The following MAP7D1 variants were observed in gnomAD, a reference collection of about 807,000 sequenced individuals.
MAP7D1 encodes the protein MAP7 domain containing 1.
Under a neutral mutation model 97.5 loss-of-function variants are expected in MAP7D1, and 30 were observed. That is an observed-to-expected ratio of 0.31 (90% CI 0.23 to 0.42). The LOEUF (loss-of-function observed/expected upper bound fraction) is 0.42. Among genes scored for constraint, MAP7D1 ranks in the 10% least tolerant of loss-of-function variants. MAP7D1 has a pLI of 1.00. For missense variants in MAP7D1, 1,184 were observed against 1,179.5 expected, an observed-to-expected ratio of 1.00 and a Z score of -0.06; for synonymous variants, 536 against 477.1, an observed-to-expected ratio of 1.12 and a Z score of -1.61.
Position 36,172,490 on chromosome 1 carries a change from AAGG to A in MAP7D1, c.493_495del (p.Glu165del). The A allele has an allele frequency of 3.1e-6, 5 of 1,592,486 alleles. No homozygotes were observed. The highest frequency in any genetic ancestry group is 2.3e-5 in the East Asian group (1 of 44,312). ...GGCCAAGAAGGCAGTGTGGCTGGAG[AAGG>A]AGGAGAAGGCCAAGGCGCTGCGGGA... On this transcript the variant is annotated inframe_deletion, in exon 4 of 17. Transcript: ENST00000474796.
At position 36,176,766 on chromosome 1, in the gene MAP7D1, C is replaced by T. The variant is rs202103117; in HGVS notation, c.1303C>T (p.Arg435Cys). The change falls in exon 8 of 17, where the codon CGC (arginine) becomes TGC (cysteine). Residue 435 changes from arginine to cysteine, a missense_variant. Coordinates refer to ENST00000474796, the MANE Select transcript of MAP7D1 (RefSeq NM_001388490.1). This position sits in a 1 kb window ranked among gnomAD's most constrained non-coding sequence, Gnocchi z 6.1. ...GGAGAAGAGTGCCCTAGCCCGGGAG[C>T]GCAGCCTCAAGAAGCGCCAGTCGCT... ...EKEKSALARE[R>C]SLKKRQSLPA... The T allele has an allele frequency of 1.3e-4, 216 of 1,603,098 alleles. No homozygotes were observed. Among genetic ancestry groups the T allele is most frequent in the East Asian group, 8.6e-4 (38 of 44,348 alleles).
At chr1:36,156,977 C>T (rs961371641) in intron 1 of MAP7D1, among the ~76,000 whole-genome samples, 1 of 152,228 alleles carries the variant, frequency 6.6e-6, no homozygotes, top group African/African-American at 2.4e-5. Context: ...CCACCCCATC[C>T]GTCCAGCTGC....
chr1:36,173,496 G>A lies in MAP7D1; in HGVS notation c.739+18G>A. On this transcript the variant is annotated intron_variant, in intron 5 of 16. Transcript: ENST00000474796. ...TAAGACCAGTGAGTAGGCTGGAGGG[G>A]CTGGGGAGTGGGTGGGCAAGGCTGG... The A allele has an allele frequency of 6.4e-7, 1 of 1,567,920 alleles. No individual in the cohort carries two copies. The highest frequency in any genetic ancestry group is 8.7e-7 in the Non-Finnish European group (1 of 1,151,764).
chr1:36,158,100 G>A (rs1644361785), intron 1 of MAP7D1, among the ~76,000 whole-genome samples: 1 of 151,280 alleles, frequency 6.6e-6, no homozygotes. Flanking sequence ...TGCCTAGACT[G>A]AATATGAGAG....
chr1:36,180,177 C>G, intron 16 of MAP7D1, 71 bp from the exon 17 acceptor site: 1 of 1,612,094 alleles, frequency 6.2e-7, no homozygotes, highest in African/African-American at 1.3e-5. Context: ...CCTGCTCCAC[C>G]CTGAAGACCC....
At chr1:36,175,217 G>A (rs1644602108) in intron 6 of MAP7D1, among the ~76,000 whole-genome samples, 1 of 152,212 alleles carries the variant, frequency 6.6e-6, no homozygotes, top group South Asian at 2.1e-4. Flanking sequence ...TGTAGGAGAG[G>A]AGAACAGAGA....
chr1:36,174,423 C>T (rs888141543), intron 5 of MAP7D1, among the ~76,000 whole-genome samples: 1 of 152,220 alleles, frequency 6.6e-6, no homozygotes. Flanking sequence ...CCTGTGTCTG[C>T]ATGTCTTTTT....
chr1:36,174,808 G>A lies in MAP7D1; in HGVS notation c.740-90G>A, dbSNP rs976220946. ...TGCCCACTCCTCCCTCTCCCACCCCGCCCTCGGAGCATCCTGCATGGAAGG... is the reference window on the plus strand; with the variant it reads ...TGCCCACTCCTCCCTCTCCCACCCCACCCTCGGAGCATCCTGCATGGAAGG... On this transcript the variant is annotated intron_variant, in intron 5 of 16. Coordinates refer to ENST00000474796, the MANE Select transcript of MAP7D1 (RefSeq NM_001388490.1). 48 of 362,970 alleles carry A rather than the reference G, an allele frequency of 1.3e-4. 1 individual carries two copies. The Middle Eastern group carries it at 2.6e-3, about 20-fold the overall frequency. The allele number at this position is 362,970 out of a possible 1,614,324, so 22.5% of individuals were successfully genotyped here.
In MAP7D1 at chr1:36,178,218, G is replaced by A. The variant is rs1272920014; in HGVS notation, c.1708+17G>A. 1.3e-6 allele frequency: 2 copies of A among 1,536,218 alleles called. No individual in the cohort carries two copies. The highest frequency in any genetic ancestry group is 1.8e-6 in the Non-Finnish European group (2 of 1,140,264). ...CCCCTACAGGTAGGAATGAAGAGAG[G>A]GGAGGGGTGGGCCGAGCGAGAGAAG... On this transcript the variant is annotated intron_variant, in intron 9 of 16. Coordinates refer to ENST00000474796, the MANE Select transcript of MAP7D1 (RefSeq NM_001388490.1).
Position 36,171,592 on chromosome 1 carries a change from A to G in MAP7D1, c.460+11A>G, listed in dbSNP as rs760202720. The G allele has an allele frequency of 5.0e-6, 8 of 1,613,886 alleles. No homozygotes were observed. The South Asian group carries it at 8.8e-5, about 18-fold the overall frequency. On this transcript the variant is annotated intron_variant, in intron 3 of 16. Transcript: ENST00000474796. ...GGGCCAAGTACCTGGGTGAGTGAGC[A>G]GGAAGCCTCATCATCTTCTTCATCG... is the stretch of plus-strand genomic sequence containing the variant.
rs1470237362 is a variant in MAP7D1, at chr1:36,156,238, G to C, written c.-180G>C. Reference sequence around the variant, plus strand: ...CGCAGCCGAGAGACCCCGGGCGACCGGCACCTCCGAGACTCGCGGGCCACC... The same window carrying C: ...CGCAGCCGAGAGACCCCGGGCGACCCGCACCTCCGAGACTCGCGGGCCACC... On this transcript the variant is annotated 5_prime_UTR_variant, in exon 1 of 17. Transcript: ENST00000474796. The C allele has an allele frequency of 1.3e-5, 6 of 451,274 alleles. No homozygotes were observed. The highest frequency in any genetic ancestry group is 2.3e-5 in the Non-Finnish European group (6 of 264,118). The allele number at this position is 451,274 out of a possible 1,614,324, so 28.0% of individuals were successfully genotyped here. A position where few individuals can be genotyped will look rare whatever the true frequency, so the allele number is the denominator to read the frequency against.
intron 1 of MAP7D1, among the ~76,000 whole-genome samples, chr1:36,170,701 T>C (rs1300671086): frequency 6.6e-6 from 1 of 152,206 alleles, no homozygotes; most frequent in Non-Finnish European, 1.5e-5. Flanking sequence ...TATCTCTGCT[T>C]TGCTGCCCCA....
Position 36,170,099 on chromosome 1 carries a change from G to A in MAP7D1, c.47-872G>A, listed in dbSNP as rs80250495. On this transcript the variant is annotated intron_variant, in intron 1 of 16. Coordinates refer to ENST00000474796, the MANE Select transcript of MAP7D1 (RefSeq NM_001388490.1). ...ACCTGAGGCTGAGAGAGGTTGACTG[G>A]CTTGTCCATGGTTGTCTGCTGGGGA... is the stretch of plus-strand genomic sequence containing the variant. 3.3e-3 allele frequency among the ~76,000 whole-genome samples: 508 copies of A among 152,308 alleles called. 3 individuals are homozygous for A. Among genetic ancestry groups the A allele is most frequent in the African/African-American group, 0.012 (480 of 41,568 alleles).
chr1:36,176,888 TATTC>T lies in MAP7D1; in HGVS notation c.1379+49_1379+52del. The T allele has an allele frequency of 6.8e-7, 1 of 1,472,316 alleles. No individual in the cohort carries two copies. Among genetic ancestry groups the T allele is most frequent in the African/African-American group, 1.4e-5 (1 of 71,162 alleles). 91.2% of individuals were successfully genotyped at this position (1,472,316 alleles called of 1,614,324 possible). ...GGACCCTGCCCCTCACCGGGTCATT[TATTC>T]ATCACCCACAAATATTTGTTGGGCA... On this transcript the variant is annotated intron_variant, in intron 8 of 16. Coordinates refer to ENST00000474796, the MANE Select transcript of MAP7D1 (RefSeq NM_001388490.1). This position sits in a 1 kb window ranked among gnomAD's most constrained non-coding sequence, Gnocchi z 6.1.
intron 8 of MAP7D1, chr1:36,177,585 G>T (rs1385461799): frequency 1.5e-6 from 1 of 681,480 alleles, no homozygotes; most frequent in Non-Finnish European, 2.8e-6. Context: ...GTAGCACTCA[G>T]GGTGCTGAGG....
chr1:36,169,884 C>G (rs989779989), intron 1 of MAP7D1, among the ~76,000 whole-genome samples: 2 of 152,174 alleles, frequency 1.3e-5, no homozygotes, highest in Non-Finnish European at 2.9e-5. Flanking sequence ...ATCCCAGCTA[C>G]TTGGGAGACT....
chr1:36,161,761 T>A (rs1468232593), intron 1 of MAP7D1, among the ~76,000 whole-genome samples: 1 of 152,082 alleles, frequency 6.6e-6, no homozygotes, highest in Non-Finnish European at 1.5e-5. Flanking sequence ...TGAGGCTTTG[T>A]CTGTTTCTTA....
In MAP7D1 at chr1:36,178,193, C is replaced by T; in HGVS notation, c.1700C>T (p.Thr567Ile). ...CAGAAGGAGCAGCCCCCCGCGGAGA[C>T]CCCTACAGGTAGGAATGAAGAGAGG... ...PPQKEQPPAE[T>I]PTDAAVLTSP... Residue 567 changes from threonine (T) to isoleucine (I), a missense_variant, in exon 9 of 17, where the codon ACC (threonine) becomes ATC (isoleucine). Physicochemically the swap from Thr to Ile is moderately conservative, Grantham distance 89. Transcript: ENST00000474796. 1 of 1,565,838 alleles carries T rather than the reference C, an allele frequency of 6.4e-7. No homozygotes were observed. The highest frequency in any genetic ancestry group is 2.3e-5 in the East Asian group (1 of 43,176).
At chr1:36,161,181 C>G (rs1570126828) in intron 1 of MAP7D1, among the ~76,000 whole-genome samples, 1 of 152,352 alleles carries the variant, frequency 6.6e-6, no homozygotes, top group Middle Eastern at 3.4e-3. Flanking sequence ...GTGGCCTGGT[C>G]CCAGTGCCCC....
Sources: gnomAD v4.1 joint callset for allele counts (sites outside exome capture counted in the v4.1 genomes callset) on GRCh38, gnomAD v4.1.1 for gene constraint, Gnocchi (gnomAD v3.1) non-coding constraint, MANE v1.5 for transcripts, NCBI Gene and HGNC (gene_info 2026-07-23, HGNC 2026-07-21) for gene names.